The following ARHGAP12 variants were observed in gnomAD, a reference collection of about 807,000 sequenced individuals.
The protein encoded by ARHGAP12 is Rho GTPase activating protein 12.
A neutral mutation model predicts 108.6 loss-of-function variants in ARHGAP12; 64 were observed. That is an observed-to-expected ratio of 0.59 (90% CI 0.48 to 0.73). ARHGAP12 has a LOEUF of 0.73. Among genes scored for constraint, ARHGAP12 ranks in the 30% least tolerant of loss-of-function variants. ARHGAP12 has a pLI of 0.00. For missense variants in ARHGAP12, 940 were observed against 1,005.9 expected (o/e 0.93, Z 0.89); for synonymous variants, 312 against 337.2 (o/e 0.93, Z 0.82).
Position 31,860,819 on chromosome 10 carries a change from G to A in ARHGAP12, c.948+576C>T, listed in dbSNP as rs1015321265. ...TGGACAGCCAGGTGCAGTAGCTCAC[G>A]CCTGTAATCCTAGCACTTTGGGAGG... On this transcript the variant is annotated intron_variant, in intron 4 of 19. Coordinates refer to ENST00000344936, the MANE Select transcript of ARHGAP12 (RefSeq NM_018287.7). Among the ~76,000 whole-genome samples the A allele has an allele frequency of 1.4e-4, 22 of 152,214 alleles. 1 individual carries two copies. The highest frequency in any genetic ancestry group is 4.2e-4 in the South Asian group (2 of 4,816).
At chr10:31,912,715 G>T (rs1467173874) in intron 1 of ARHGAP12, among the ~76,000 whole-genome samples, 1 of 152,160 alleles carries the variant, frequency 6.6e-6, no homozygotes, top group African/African-American at 2.4e-5. Context: ...TAGAAAGTAA[G>T]AGCTGAGATA....
intron 4 of ARHGAP12, among the ~76,000 whole-genome samples, chr10:31,856,856 T>G (rs546403853): frequency 6.6e-6 from 1 of 152,042 alleles, no homozygotes; most frequent in South Asian, 2.1e-4. Context: ...AAAACAACAC[T>G]AGAGATACAA....
chr10:31,917,889 A>C (rs941177378), intron 1 of ARHGAP12, among the ~76,000 whole-genome samples: 2 of 152,212 alleles, frequency 1.3e-5, no homozygotes, highest in African/African-American at 4.8e-5. Context: ...GACGGTTCCC[A>C]ACTTGCAATG....
chr10:31,886,551 T>C (rs1808667148), intron 3 of ARHGAP12, among the ~76,000 whole-genome samples: 1 of 152,164 alleles, frequency 6.6e-6, no homozygotes, highest in African/African-American at 2.4e-5. Context: ...GAAACTGACT[T>C]TATACAGTAG....
chr10:31,862,721 C>CAG (rs1564397200), intron 3 of ARHGAP12, among the ~76,000 whole-genome samples: 1 of 144,994 alleles, frequency 6.9e-6, no homozygotes, highest in Non-Finnish European at 1.6e-5. Context: ...CACACACACA[C>CAG]ACACACACAC....
rs554130744 is a variant in ARHGAP12 at position 31,852,877 on chromosome 10, C to T, written c.1090-280G>A. Among the ~76,000 whole-genome samples, 7 of 152,042 alleles carry T rather than the reference C, an allele frequency of 4.6e-5. No individual in the cohort carries two copies. In the East Asian group the frequency reaches 1.4e-3, roughly 29 times the overall value. ...GAGTAGCTGGGATTACAGGCATGTG[C>T]CACCACGCCTGGCTAATTTTGTGTT... On this transcript the variant is annotated intron_variant, in intron 5 of 19. Coordinates refer to ENST00000344936, the MANE Select transcript of ARHGAP12 (RefSeq NM_018287.7).
chr10:31,920,228 G>A lies in ARHGAP12; in HGVS notation c.-111+8455C>T, dbSNP rs573093095. On this transcript the variant is annotated intron_variant, in intron 1 of 19. Coordinates refer to ENST00000344936, the MANE Select transcript of ARHGAP12 (RefSeq NM_018287.7). ...AGCACTCTGGGAGGCAGAGGTGGGC[G>A]GATCACAAGGTCGGCAGTTCCAGAC... 2.5e-3 allele frequency among the ~76,000 whole-genome samples: 378 copies of A among 151,792 alleles called. 1 individual carries two copies. The highest frequency in any genetic ancestry group is 6.8e-3 in the Middle Eastern group (2 of 294).
At chr10:31,813,075 T>C (rs1592242553) in intron 14 of ARHGAP12, among the ~76,000 whole-genome samples, 2 of 152,168 alleles carry the variant, frequency 1.3e-5, no homozygotes, top group African/African-American at 2.4e-5. Flanking sequence ...GTACCTTCTA[T>C]GGTATATCTG....
At chr10:31,833,405 CAGTAGTGAT>C (rs1399010481) in intron 9 of ARHGAP12, among the ~76,000 whole-genome samples, 1 of 151,282 alleles carries the variant, frequency 6.6e-6, no homozygotes, top group African/African-American at 2.4e-5. Flanking sequence ...GATGGCATAG[CAGTAGTGAT>C]AGACAGCCTA....
intron 1 of ARHGAP12, among the ~76,000 whole-genome samples, chr10:31,922,608 A>T (rs1478020303): frequency 6.6e-6 from 1 of 152,148 alleles, no homozygotes; most frequent in Non-Finnish European, 1.5e-5. Context: ...AAAGCTTGCT[A>T]AAGAATAAAC....
intron 11 of ARHGAP12, among the ~76,000 whole-genome samples, chr10:31,823,297 T>C (rs1340896785): frequency 2.0e-5 from 3 of 152,130 alleles, no homozygotes; most frequent in Admixed American, 6.5e-5. Flanking sequence ...TTAAGTGATA[T>C]AGCAATCCAG....
At chr10:31,832,023 TAA>T (rs1835854702) in intron 9 of ARHGAP12, among the ~76,000 whole-genome samples, 2 of 152,178 alleles carry the variant, frequency 1.3e-5, no homozygotes, top group Non-Finnish European at 2.9e-5. Flanking sequence ...TTTTTCTCCT[TAA>T]GTCACAGCAG....
At chr10:31,847,226 G>T (rs1428565105) in intron 6 of ARHGAP12, among the ~76,000 whole-genome samples, 1 of 152,044 alleles carries the variant, frequency 6.6e-6, no homozygotes, top group African/African-American at 2.4e-5. Context: ...CCAACCTACT[G>T]ATTGTCTTTT....
At chr10:31,818,839 A>G (rs568689992) in intron 12 of ARHGAP12, among the ~76,000 whole-genome samples, 12 of 152,298 alleles carry the variant, frequency 7.9e-5, no homozygotes, top group Admixed American at 7.2e-4. Context: ...AATAAAATAT[A>G]CACTGCTTCC....
At position 31,820,400 on chromosome 10, in the gene ARHGAP12, T is replaced by C; in HGVS notation, c.1619A>G (p.Lys540Arg). 1 of 1,611,232 alleles carries C rather than the reference T, an allele frequency of 6.2e-7. No homozygotes were observed. Among genetic ancestry groups the C allele is most frequent in the Non-Finnish European group, 8.5e-7 (1 of 1,178,650 alleles). ...AAAATGTATTACCTCAAATACATTC[T>C]TTTTGCTGGATTTATCCTTTGAAGC... ...EMASKDKSSK[K>R]NVFELKTRQG... Residue 540 changes from lysine (K) to arginine (R), a missense_variant, in exon 12 of 20, where the codon AAG (lysine) becomes AGG (arginine). Coordinates refer to ENST00000344936, the MANE Select transcript of ARHGAP12 (RefSeq NM_018287.7).
chr10:31,870,658 G>A (rs76842561), intron 3 of ARHGAP12, among the ~76,000 whole-genome samples: 3,634 of 152,240 alleles, frequency 0.024, 156 homozygotes, highest in African/African-American at 0.081. Context: ...ACTGGTTTTA[G>A]TTCACAAACG....
Position 31,890,073 on chromosome 10 carries a change from A to G in ARHGAP12, c.684+18099T>C, listed in dbSNP as rs192935628. On this transcript the variant is annotated intron_variant, in intron 3 of 19. Transcript: ENST00000344936. ...AGTACCTCTTTTTGTGTCTGGGTAC[A>G]TAAGTCATTTCACAACAGAATTTCA... Among the ~76,000 whole-genome samples, 363 of 152,284 alleles carry G rather than the reference A, an allele frequency of 2.4e-3. 10 individuals are homozygous for G. Among genetic ancestry groups the G allele is most frequent in the Admixed American group, 0.022 (339 of 15,280 alleles).
At chr10:31,821,456 C>G (rs1284997735) in intron 11 of ARHGAP12, among the ~76,000 whole-genome samples, 1 of 152,104 alleles carries the variant, frequency 6.6e-6, no homozygotes, top group African/African-American at 2.4e-5. Flanking sequence ...CTAAAGTCTA[C>G]TGAATTGTAA....
Position 31,908,324 on chromosome 10 carries a change from C to A in ARHGAP12, c.532G>T (p.Gly178Cys). Reference protein sequence around the residue: ...VSSQNRTRSFGHFPGPEFLDV... With the variant: ...VSSQNRTRSFCHFPGPEFLDV... ...AAGAACTCTGGACCGGGAAAATGACCAAATGAGCGTGTCCTATTCTGGCTG... is the reference window on the plus strand; with the variant it reads ...AAGAACTCTGGACCGGGAAAATGACAAAATGAGCGTGTCCTATTCTGGCTG... Residue 178 changes from glycine (G) to cysteine (C), a missense_variant, in exon 3 of 20, where the codon GGT becomes TGT. Coordinates refer to ENST00000344936, the MANE Select transcript of ARHGAP12 (RefSeq NM_018287.7). 1 of 1,614,080 alleles carries A rather than the reference C, an allele frequency of 6.2e-7. No homozygotes were observed. Among genetic ancestry groups the A allele is most frequent in the Non-Finnish European group, 8.5e-7 (1 of 1,180,004 alleles).
Sources: gnomAD v4.1 joint callset for allele counts (sites outside exome capture counted in the v4.1 genomes callset) on GRCh38, gnomAD v4.1.1 for gene constraint, MANE v1.5 for transcripts, NCBI Gene and HGNC (gene_info 2026-07-23, HGNC 2026-07-21) for gene names.